Variants in MEGF10 observed in about 807,000 individuals in gnomAD.
The protein encoded by MEGF10 is multiple epidermal growth factor-like domains protein 10.
MEGF10 carries 86 observed loss-of-function variants against 147.5 expected under a neutral mutation model. The observed-to-expected ratio is 0.58, with a 90% confidence interval of 0.49 to 0.70. MEGF10 has a LOEUF of 0.70. Among genes scored for constraint, MEGF10 ranks in the 30% least tolerant of loss-of-function variants. The probability of loss-of-function intolerance (pLI) is 0.00; values close to 1 mark genes in which losing one functional copy is unlikely to be tolerated. For synonymous variants in MEGF10, 478 were observed against 525.5 expected (o/e 0.91, Z 1.24); for missense variants, 1,329 against 1,487.3 (o/e 0.89, Z 1.75).
intron 1 of MEGF10, among the ~76,000 whole-genome samples, chr5:127,293,329 T>C (rs74472247): frequency 0.014 from 2,112 of 152,224 alleles, 56 homozygotes; most frequent in East Asian, 0.09. Context: ...TTTATCTCTG[T>C]CTGTCTTTCA....
In MEGF10 at chr5:127,339,177, G is replaced by A. The variant is rs12654455; in HGVS notation, c.174G>A (p.Thr58=). The A allele has an allele frequency of 0.019, 31,307 of 1,612,208 alleles. 832 individuals carry two copies. The highest frequency in any genetic ancestry group is 0.11 in the East Asian group (4,987 of 44,812). ...ATCCCTTTGATCAAATTTACTACAC[G>A]AGCTGCACTGACATTCTAAACTGGT... ...YPHPFDQIYY[T]SCTDILNWFK... is the part of the protein sequence containing the mutation. Residue 58 remains threonine (T), a synonymous_variant, in exon 3 of 25, where the codon ACG becomes ACA. Transcript: ENST00000503335.
At chr5:127,398,933 C>A in intron 7 of MEGF10, 137 bp downstream of exon 7, 2 of 1,209,992 alleles carry the variant, frequency 1.7e-6, no homozygotes, top group Non-Finnish European at 1.2e-6. Flanking sequence ...TGGAAAGACT[C>A]AAGCCATTTT....
chr5:127,433,610 G>C, intron 14 of MEGF10, 101 bp downstream of exon 14: 1 of 1,413,730 alleles, frequency 7.1e-7, no homozygotes, highest in Non-Finnish European at 9.5e-7. Flanking sequence ...GTGATGTCCT[G>C]TTGCAGTTGA....
Position 127,402,559 on chromosome 5 carries a change from G to T in MEGF10, c.794G>T (p.Gly265Val). ...CTTTGAATGCAGGGCACAGTGTGTG[G>T]TCAGCCTTGCCCCGAGGGTCGCTTT... is the stretch of plus-strand genomic sequence containing the variant. ...CPSGWMGTVC[G>V]QPCPEGRFGK... is the part of the protein sequence containing the mutation. The change falls in exon 8 of 25, where the codon GGT (glycine) becomes GTT (valine). Residue 265 changes from glycine (G) to valine (V), a missense_variant. Physicochemically the swap from Gly to Val is moderately radical, Grantham distance 109. This residue lies in a region of MEGF10 where 980 missense variants were observed against 1,085.9 expected (regional missense o/e 0.90). Coordinates refer to ENST00000503335, the MANE Select transcript of MEGF10 (RefSeq NM_001256545.2). 7 of 1,613,600 alleles carry T rather than the reference G, an allele frequency of 4.3e-6. No individual in the cohort carries two copies. The highest frequency in any genetic ancestry group is 5.9e-6 in the Non-Finnish European group (7 of 1,179,770).
At chr5:127,390,717 A>G (rs1763617360) in intron 5 of MEGF10, among the ~76,000 whole-genome samples, 1 of 152,164 alleles carries the variant, frequency 6.6e-6, no homozygotes, top group Non-Finnish European at 1.5e-5. Flanking sequence ...CAATTTTTTC[A>G]CCAGCTGCCT....
chr5:127,358,848 T>C (rs1339063222), intron 4 of MEGF10, among the ~76,000 whole-genome samples: 1 of 152,074 alleles, frequency 6.6e-6, no homozygotes, highest in Non-Finnish European at 1.5e-5. Flanking sequence ...ATTAAGGTCA[T>C]GTTACTTACG....
At chr5:127,395,016 CT>C (rs1763846215) in intron 5 of MEGF10, among the ~76,000 whole-genome samples, 1 of 152,100 alleles carries the variant, frequency 6.6e-6, no homozygotes, top group Admixed American at 6.5e-5. Context: ...GAGTTTTCTT[CT>C]TTTGAACAAT....
At chr5:127,445,803 A>C in intron 20 of MEGF10, 110 bp downstream of exon 20, 13 of 777,798 alleles carry the variant, frequency 1.7e-5, no homozygotes, top group Non-Finnish European at 2.4e-5. Flanking sequence ...GTCAATTCTC[A>C]TTGAGAGAAT....
chr5:127,410,450 G>A lies in MEGF10; in HGVS notation c.979G>A (p.Val327Ile). Residue 327 changes from valine (V) to isoleucine (I), a missense_variant, in exon 9 of 25, where the codon GTC (valine) becomes ATC (isoleucine). Around this residue, in one of 3 missense-constraint regions of MEGF10, gnomAD observed 980 missense variants for 1,085.9 expected, o/e 0.90. Coordinates refer to ENST00000503335, the MANE Select transcript of MEGF10 (RefSeq NM_001256545.2). Reference sequence around the variant, plus strand: ...TCTCTGTGCTGAGACCTGCCAGTGTGTCAACGGAGGGAAGTGTTACCACGT... The same window carrying A: ...TCTCTGTGCTGAGACCTGCCAGTGTATCAACGGAGGGAAGTGTTACCACGT... ...GVLCAETCQC[V>I]NGGKCYHVSG... 1.2e-6 allele frequency: 2 copies of A among 1,614,238 alleles called. No homozygotes were observed. The highest frequency in any genetic ancestry group is 1.7e-6 in the Non-Finnish European group (2 of 1,180,042).
intron 23 of MEGF10, 70 bp from the exon 24 acceptor site, chr5:127,455,331 T>G: frequency 1.5e-6 from 2 of 1,316,162 alleles, no homozygotes; most frequent in Non-Finnish European, 2.1e-6. Context: ...AGAAAAACAG[T>G]AAAATATCAC....
Position 127,459,356 on chromosome 5 carries a change from A to C in MEGF10, c.*2038A>C, listed in dbSNP as rs1766481334. ...TAAGGAATGACCTGGAACAGGCCTT[A>C]GAAACAATTGATTTATTCCAATAGT... On this transcript the variant is annotated 3_prime_UTR_variant, in exon 25 of 25. Transcript: ENST00000503335. The C allele has an allele frequency of 6.6e-6, 1 of 152,224 alleles. No individual in the cohort carries two copies. Among genetic ancestry groups the C allele is most frequent in the African/African-American group, 2.4e-5 (1 of 41,466 alleles). 9.4% of individuals were successfully genotyped at this position (152,224 alleles called of 1,614,324 possible).
chr5:127,346,528 G>A (rs528202237), intron 4 of MEGF10, among the ~76,000 whole-genome samples: 8 of 152,118 alleles, frequency 5.3e-5, no homozygotes, highest in East Asian at 3.9e-4. Context: ...GTCTATTTAT[G>A]TCCTTAGCCC....
chr5:127,310,174 C>T (rs1006580306), intron 1 of MEGF10, among the ~76,000 whole-genome samples: 1 of 151,240 alleles, frequency 6.6e-6, no homozygotes, highest in Admixed American at 6.6e-5. Context: ...ATTAGTGATA[C>T]GGCCTTTTTT....
At chr5:127,407,944 CA>C (rs1349505174) in intron 8 of MEGF10, among the ~76,000 whole-genome samples, 3 of 152,126 alleles carry the variant, frequency 2.0e-5, no homozygotes, top group African/African-American at 7.2e-5. Context: ...GCAACATTGA[CA>C]AAACATAAAA....
At chr5:127,438,749 A>T (rs929452068) in intron 17 of MEGF10, among the ~76,000 whole-genome samples, 182 bp downstream of exon 17, 1 of 152,174 alleles carries the variant, frequency 6.6e-6, no homozygotes, top group Non-Finnish European at 1.5e-5. Context: ...CATTCCAAGT[A>T]TTCTGTCTCT....
At chr5:127,263,967 C>T in the MEGF10 span, among the ~76,000 whole-genome samples, 10 of 152,206 alleles carry the variant, frequency 6.6e-5, no homozygotes, top group African/African-American at 2.2e-4. Context: ...GGAAGAGCAA[C>T]ACAAATTCAC....
At chr5:127,417,577 A>C in intron 9 of MEGF10, 61 bp from the exon 10 acceptor site, 1 of 1,527,406 alleles carries the variant, frequency 6.5e-7, no homozygotes, top group Non-Finnish European at 9.1e-7. Flanking sequence ...CAACATTTGC[A>C]CAGAAGTTGG....
At chr5:127,371,351 C>T (rs185715005) in intron 5 of MEGF10, among the ~76,000 whole-genome samples, 14 of 152,034 alleles carry the variant, frequency 9.2e-5, no homozygotes, top group Admixed American at 3.9e-4. Flanking sequence ...TTTGTTCACA[C>T]GCCATTGAGG....
intron 13 of MEGF10, among the ~76,000 whole-genome samples, chr5:127,426,042 G>A (rs1375537880): frequency 6.6e-6 from 1 of 152,188 alleles, no homozygotes; most frequent in African/African-American, 2.4e-5. Flanking sequence ...TGGACACTGT[G>A]GGGAGAGGCT....
Sources: gnomAD v4.1 joint callset for allele counts (sites outside exome capture counted in the v4.1 genomes callset) on GRCh38, gnomAD v4.1.1 for gene constraint, gnomAD v4.1.1 regional missense constraint, MANE v1.5 for transcripts, NCBI Gene and HGNC (gene_info 2026-07-23, HGNC 2026-07-21) for gene names.